SKAP1: variants seen among roughly 807,000 people sequenced by gnomAD.
The protein encoded by SKAP1 is src kinase associated phosphoprotein 1.
A neutral mutation model predicts 58.5 loss-of-function variants in SKAP1; 44 were observed. The observed-to-expected ratio is 0.75, with a 90% CI of 0.59 to 0.97. The LOEUF (loss-of-function observed/expected upper bound fraction) is 0.97. Ranked by LOEUF, SKAP1 falls within the 50% of genes least tolerant of loss-of-function variation. SKAP1 has a pLI of 0.00. For missense variants in SKAP1, 390 were observed against 435.2 expected (o/e 0.90, Z 0.92); for synonymous variants, 127 against 149.7 (o/e 0.85, Z 1.11).
chr17:48,192,801 A>G (rs2064565838), intron 4 of SKAP1, among the ~76,000 whole-genome samples: 1 of 152,182 alleles, frequency 6.6e-6, no homozygotes, highest in Non-Finnish European at 1.5e-5. Context: ...AAGGAAACAA[A>G]GACATAATAC....
intron 4 of SKAP1, chr17:48,204,265 T>G (rs528750832): frequency 6.6e-6 from 1 of 151,664 alleles, no homozygotes; most frequent in East Asian, 1.9e-4. Context: ...GGCTAATTTT[T>G]TTTTTTTTTG....
At chr17:48,274,650 C>G (rs1316797094) in intron 4 of SKAP1, among the ~76,000 whole-genome samples, 3 of 151,638 alleles carry the variant, frequency 2.0e-5, no homozygotes, top group African/African-American at 7.3e-5. Context: ...GAGCTGAGAT[C>G]GCACCATTGC....
chr17:48,380,062 A>T (rs2067196785), intron 2 of SKAP1: 1 of 152,226 alleles, frequency 6.6e-6, no homozygotes. Context: ...AGCCATAAAA[A>T]AATGGAATGG....
intron 4 of SKAP1, among the ~76,000 whole-genome samples, chr17:48,331,377 T>G (rs2066504804): frequency 6.6e-6 from 1 of 152,188 alleles, no homozygotes; most frequent in Admixed American, 6.5e-5. Context: ...GCTCTTAGGC[T>G]CTTACCTCAT....
chr17:48,318,217 G>T (rs529294087), intron 4 of SKAP1, among the ~76,000 whole-genome samples: 1 of 152,308 alleles, frequency 6.6e-6, no homozygotes, highest in African/African-American at 2.4e-5. Flanking sequence ...TGCCCTGACA[G>T]CAAACAGATG....
intron 4 of SKAP1, among the ~76,000 whole-genome samples, chr17:48,273,581 C>A (rs914058632): frequency 3.3e-5 from 5 of 152,092 alleles, no homozygotes; most frequent in African/African-American, 1.2e-4. Flanking sequence ...CCGCGCCTGG[C>A]TAATTTTTGT....
intron 4 of SKAP1, among the ~76,000 whole-genome samples, chr17:48,330,279 T>G (rs2066488943): frequency 6.6e-6 from 1 of 152,172 alleles, no homozygotes; most frequent in African/African-American, 2.4e-5. Context: ...GGGAAAAAAT[T>G]GAGTATTCAC....
rs913517063 is a variant in SKAP1 at position 48,152,929 on chromosome 17, G to A, written c.978+9540C>T. 1.4e-4 allele frequency among the ~76,000 whole-genome samples: 21 copies of A among 152,236 alleles called. No homozygotes were observed. In the East Asian group the frequency reaches 3.5e-3, roughly 25 times the overall value. On this transcript the variant is annotated intron_variant, in intron 11 of 12. Coordinates refer to ENST00000336915, the MANE Select transcript of SKAP1 (RefSeq NM_003726.4). The stretch of plus-strand genomic sequence containing the variant: ...TTCTGAGCATTAACCTAACCCGGCC[G>A]TGGCTTATATGGTTCTAGGTAAACG...
intron 4 of SKAP1, among the ~76,000 whole-genome samples, chr17:48,206,476 T>C (rs1213865999): frequency 6.6e-6 from 1 of 152,008 alleles, no homozygotes; most frequent in Non-Finnish European, 1.5e-5. Context: ...AGAAATAAAA[T>C]TTAATTATAC....
chr17:48,152,851 G>A (rs528259082), intron 11 of SKAP1, among the ~76,000 whole-genome samples: 1 of 152,306 alleles, frequency 6.6e-6, no homozygotes, highest in African/African-American at 2.4e-5. Context: ...TAAATTCACT[G>A]CAAAATAAAT....
At chr17:48,340,795 T>C (rs548705603) in intron 4 of SKAP1, among the ~76,000 whole-genome samples, 1 of 152,308 alleles carries the variant, frequency 6.6e-6, no homozygotes, top group African/African-American at 2.4e-5. Context: ...TAATTATGAA[T>C]GAAATTTTGT....
intron 4 of SKAP1, among the ~76,000 whole-genome samples, chr17:48,189,736 G>A (rs1444996421): frequency 1.3e-5 from 2 of 151,302 alleles, no homozygotes; most frequent in Non-Finnish European, 2.9e-5. Flanking sequence ...ATACAATGGC[G>A]CTATCTCGGC....
At chr17:48,362,938 T>C (rs2144396317) in intron 3 of SKAP1, among the ~76,000 whole-genome samples, 1 of 152,306 alleles carries the variant, frequency 6.6e-6, no homozygotes, top group Non-Finnish European at 1.5e-5. Flanking sequence ...GTAAGTTTGA[T>C]CTAAAACTCT....
At position 48,256,175 on chromosome 17, in the gene SKAP1, A is replaced by ATGTGTG. The variant is rs35261737; in HGVS notation, c.281-66681_281-66676dup. ...AATGTGCATTCTTCAGTTTACCAAAATGTGTGTGTGTGTGTGTGTGTGAGG... is the reference window on the plus strand; with the variant it reads ...AATGTGCATTCTTCAGTTTACCAAAATGTGTGTGTGTGTGTGTGTGTGTGTGTGAGG... On this transcript the variant is annotated intron_variant, in intron 4 of 12. Transcript: ENST00000336915. Among the ~76,000 whole-genome samples, 130 of 149,862 alleles carry ATGTGTG rather than the reference A, an allele frequency of 8.7e-4. 1 individual carries two copies. Among genetic ancestry groups the ATGTGTG allele is most frequent in the African/African-American group, 3.1e-3 (126 of 40,916 alleles).
At chr17:48,237,095 T>G (rs1308597833) in intron 4 of SKAP1, among the ~76,000 whole-genome samples, 3 of 152,224 alleles carry the variant, frequency 2.0e-5, no homozygotes, top group East Asian at 1.9e-4. Context: ...TCTTTCTGAC[T>G]CCAGAAACCA....
At chr17:48,398,548 G>A (rs1257018066) in intron 1 of SKAP1, among the ~76,000 whole-genome samples, 8 of 152,050 alleles carry the variant, frequency 5.3e-5, no homozygotes, top group Non-Finnish European at 1.5e-5. Flanking sequence ...CCCGGTCCAT[G>A]GAAAAATTGT....
chr17:48,420,046 A>G (rs2067776495), intron 1 of SKAP1, among the ~76,000 whole-genome samples: 1 of 152,224 alleles, frequency 6.6e-6, no homozygotes, highest in African/African-American at 2.4e-5. Flanking sequence ...TCCATCTGTT[A>G]TAATCACCTA....
chr17:48,262,411 TG>T (rs1158114239), intron 4 of SKAP1, among the ~76,000 whole-genome samples: 4 of 152,100 alleles, frequency 2.6e-5, no homozygotes, highest in African/African-American at 4.8e-5. Context: ...CATGGTTTTT[TG>T]GGGGGGAAGT....
chr17:48,238,592 C>G (rs1476206633), intron 4 of SKAP1, among the ~76,000 whole-genome samples: 1 of 152,008 alleles, frequency 6.6e-6, no homozygotes, highest in African/African-American at 2.4e-5. Flanking sequence ...AGGATGGTCT[C>G]GAACTCCTGG....
Sources: gnomAD v4.1 joint callset for allele counts (sites outside exome capture counted in the v4.1 genomes callset) on GRCh38, gnomAD v4.1.1 for gene constraint, MANE v1.5 for transcripts, NCBI Gene and HGNC (gene_info 2026-07-23, HGNC 2026-07-21) for gene names.